Variants in ITPR1 observed in about 807,000 individuals in gnomAD.
ITPR1 encodes inositol 1,4,5-trisphosphate-gated calcium channel ITPR1.
ITPR1 carries 96 observed loss-of-function variants against 318.4 expected under a neutral mutation model. The ratio of observed to expected loss-of-function variants is 0.30; its 90% CI spans 0.26 to 0.36. ITPR1 has a LOEUF of 0.36. Among genes scored for constraint, ITPR1 ranks in the 10% least tolerant of loss-of-function variants. The probability of loss-of-function intolerance (pLI) is 1.00; values close to 1 mark genes in which losing one functional copy is unlikely to be tolerated. For missense variants in ITPR1, 2,440 were observed against 3,460.2 expected (o/e 0.71, Z 7.40); for synonymous variants, 1,312 against 1,289.9 (o/e 1.02, Z -0.37).
Position 4,546,770 on chromosome 3 carries a change from T to TG in ITPR1, c.163+25676_163+25677insG, listed in dbSNP as rs2085054566. ...TGGGCCAACTCTGACCTTTTTTTTT[T>TG]TTTTTTTTAATCCCTTTGAATCATC... On this transcript the variant is annotated intron_variant, in intron 4 of 61. Coordinates refer to ENST00000649015, the MANE Select transcript of ITPR1 (RefSeq NM_001378452.1). Among the ~76,000 whole-genome samples the TG allele has an allele frequency of 4.6e-5, 7 of 151,950 alleles. No homozygotes were observed. The Middle Eastern group carries it at 0.014, about 295-fold the overall frequency.
chr3:4,819,121 C>A (rs1215351280), intron 60 of ITPR1, among the ~76,000 whole-genome samples: 2 of 152,172 alleles, frequency 1.3e-5, no homozygotes, highest in African/African-American at 4.8e-5. Context: ...AATTTTCAGG[C>A]TTTTTATGTA....
rs753342457 is a variant in ITPR1, at chr3:4,779,659, C to T, written c.6387+14C>T. On this transcript the variant is annotated intron_variant, in intron 49 of 61. Transcript: ENST00000649015. The surrounding 1 kb of genome is among the most constrained non-coding windows in gnomAD (Gnocchi z 4.0). ...CCCAAGGAACTGGTGAGTCGGGTGA[C>T]GGATCTGATGGTAGCACCAAGGAGC... The T allele has an allele frequency of 2.0e-5, 31 of 1,556,340 alleles. No individual in the cohort carries two copies. The highest frequency in any genetic ancestry group is 6.8e-5 in the African/African-American group (5 of 73,634).
intron 4 of ITPR1, among the ~76,000 whole-genome samples, chr3:4,610,328 G>A (rs116882377): frequency 2.6e-5 from 4 of 152,248 alleles, no homozygotes; most frequent in East Asian, 3.9e-4. Flanking sequence ...TATTGACTTT[G>A]TATCTGCAGC....
At chr3:4,767,507 G>A (rs1248076898) in intron 45 of ITPR1, among the ~76,000 whole-genome samples, 1 of 152,194 alleles carries the variant, frequency 6.6e-6, no homozygotes, top group Non-Finnish European at 1.5e-5. Context: ...ATCAGGCACT[G>A]TTCAACGTTC....
At chr3:4,661,202 G>A (rs990393092) in intron 14 of ITPR1, 115 bp downstream of exon 14, 2 of 594,782 alleles carry the variant, frequency 3.4e-6, no homozygotes, top group Non-Finnish European at 6.1e-6. Flanking sequence ...TGGCGAGAGT[G>A]TGGTCATGGC....
chr3:4,806,325 T>G, intron 55 of ITPR1, 58 bp downstream of exon 55: 1 of 1,478,020 alleles, frequency 6.8e-7, no homozygotes, highest in South Asian at 1.1e-5. Context: ...GTGTCCTATG[T>G]CCTCTCTCTC....
chr3:4,736,200 T>C (rs1305785340), intron 44 of ITPR1, among the ~76,000 whole-genome samples: 1 of 152,040 alleles, frequency 6.6e-6, no homozygotes, highest in East Asian at 1.9e-4. Flanking sequence ...CACACACACA[T>C]ATGTTTTGAT....
rs3079679 is a variant in ITPR1, at chr3:4,847,395, C to CAAAAAAAAAAA, written c.*1174_*1184dup. Reference sequence around the variant, plus strand: ...CTCATTTTACAAGAGAATCTCTCTGCAAAAAAAAAAAAAACAGTTTAAAAA... The same window carrying CAAAAAAAAAAA: ...CTCATTTTACAAGAGAATCTCTCTGCAAAAAAAAAAAAAAAAAAAAAAAAACAGTTTAAAAA... On this transcript the variant is annotated 3_prime_UTR_variant, in exon 62 of 62. Coordinates refer to ENST00000649015, the MANE Select transcript of ITPR1 (RefSeq NM_001378452.1). 1 of 135,162 alleles carries CAAAAAAAAAAA rather than the reference C, an allele frequency of 7.4e-6. No homozygotes were observed. The highest frequency in any genetic ancestry group is 1.6e-5 in the Non-Finnish European group (1 of 63,346). 8.4% of individuals were successfully genotyped at this position (135,162 alleles called of 1,614,324 possible).
At chr3:4,639,491 C>T (rs1434335825) in intron 6 of ITPR1, 21 bp downstream of exon 6, 2 of 1,511,936 alleles carry the variant, frequency 1.3e-6, no homozygotes, top group Non-Finnish European at 1.8e-6. Context: ...GCAGCTCTTC[C>T]CTTCTGAAGC....
intron 4 of ITPR1, among the ~76,000 whole-genome samples, chr3:4,603,228 CTTTA>C (rs1167459823): frequency 6.6e-6 from 1 of 151,298 alleles, no homozygotes; most frequent in African/African-American, 2.4e-5. Context: ...AAAATTATTT[CTTTA>C]TTTTTAAAAT....
intron 47 of ITPR1, among the ~76,000 whole-genome samples, chr3:4,776,513 C>T (rs2046497048): frequency 6.6e-6 from 1 of 152,126 alleles, no homozygotes; most frequent in Non-Finnish European, 1.5e-5. Context: ...CAGAGGAGAA[C>T]GGTTTATGAG....
chr3:4,690,015 G>A (rs1468854010), intron 31 of ITPR1, among the ~76,000 whole-genome samples: 4 of 152,172 alleles, frequency 2.6e-5, no homozygotes, highest in Admixed American at 1.3e-4. Flanking sequence ...GGTGGCTCAC[G>A]CCTGTAATCC....
intron 44 of ITPR1, among the ~76,000 whole-genome samples, chr3:4,754,294 A>C (rs1422956870): frequency 6.6e-6 from 1 of 152,140 alleles, no homozygotes. Context: ...AACAGCACCC[A>C]AGTCACTGCC....
In ITPR1 at chr3:4,683,739, C is replaced by T; in HGVS notation, c.3439C>T (p.Gln1147Ter). The change falls in exon 28 of 62, where the codon CAG becomes TAG. Residue 1147 changes from glutamine (Q) to a stop codon, truncating the protein, a stop_gained. Coordinates refer to ENST00000649015, the MANE Select transcript of ITPR1 (RefSeq NM_001378452.1). LOFTEE classifies it high-confidence loss of function. ...EKSELWVYKG[Q>*]GPDETMDGAS... is the part of the protein sequence containing the mutation. ...GTCAGAGCTTTGGGTGTACAAAGGG[C>T]AGGGCCCCGATGAGACTATGGATGG... 6.2e-7 allele frequency: 1 copy of T among 1,613,988 alleles called. No individual in the cohort carries two copies. The highest frequency in any genetic ancestry group is 1.1e-5 in the South Asian group (1 of 91,078).
intron 4 of ITPR1, among the ~76,000 whole-genome samples, chr3:4,541,692 C>T (rs1484877251): frequency 1.3e-5 from 2 of 151,542 alleles, no homozygotes; most frequent in South Asian, 2.1e-4. Flanking sequence ...GTGGCGTGAT[C>T]TCGGCTCACT....
chr3:4,807,820 C>G lies in ITPR1; in HGVS notation c.7272+1553C>G, dbSNP rs143646726. Among the ~76,000 whole-genome samples, 1,411 of 152,314 alleles carry G rather than the reference C, an allele frequency of 9.3e-3. 23 individuals are homozygous for G. The highest frequency in any genetic ancestry group is 0.031 in the African/African-American group (1,307 of 41,562). ...AACCTTTAGAGACTTACGTCTGTTTCTGGAACTTTTTGTCTCATGCCATCA... is the reference window on the plus strand; with the variant it reads ...AACCTTTAGAGACTTACGTCTGTTTGTGGAACTTTTTGTCTCATGCCATCA... On this transcript the variant is annotated intron_variant, in intron 55 of 61. Coordinates refer to ENST00000649015, the MANE Select transcript of ITPR1 (RefSeq NM_001378452.1).
At chr3:4,583,648 G>A (rs2089585073) in intron 4 of ITPR1, among the ~76,000 whole-genome samples, 1 of 152,172 alleles carries the variant, frequency 6.6e-6, no homozygotes, top group African/African-American at 2.4e-5. Flanking sequence ...GCTTTCACTT[G>A]CCTTATTTGG....
chr3:4,834,239 A>G (rs1257787111), intron 60 of ITPR1, among the ~76,000 whole-genome samples: 1 of 152,168 alleles, frequency 6.6e-6, no homozygotes, highest in Non-Finnish European at 1.5e-5. Context: ...CTAAATTGTA[A>G]GCACTTTGAT....
At chr3:4,644,715 G>A (rs1466477410) in intron 8 of ITPR1, among the ~76,000 whole-genome samples, 2 of 152,184 alleles carry the variant, frequency 1.3e-5, no homozygotes, top group Non-Finnish European at 2.9e-5. Flanking sequence ...ACTTCCTTGT[G>A]ACATAAATAT....
Sources: gnomAD v4.1 joint callset for allele counts (sites outside exome capture counted in the v4.1 genomes callset) on GRCh38, gnomAD v4.1.1 for gene constraint, Gnocchi (gnomAD v3.1) non-coding constraint, MANE v1.5 for transcripts, NCBI Gene and HGNC (gene_info 2026-07-23, HGNC 2026-07-21) for gene names.